The following LAMA1 variants were observed in gnomAD, a reference collection of about 807,000 sequenced individuals.
LAMA1 encodes the protein laminin subunit alpha 1, also known as laminin subunit alpha-1.
In LAMA1, 219 loss-of-function variants were observed where a neutral mutation model predicts 348.7. The ratio of observed to expected loss-of-function variants is 0.63; its 90% CI spans 0.56 to 0.70. The LOEUF is 0.70. Among genes scored for constraint, LAMA1 ranks in the 30% least tolerant of loss-of-function variants. LAMA1 has a pLI of 0.00. For missense variants in LAMA1, 3,744 were observed against 3,888.0 expected (o/e 0.96, Z 0.99); for synonymous variants, 1,487 against 1,491.0 (o/e 1.00, Z 0.06).
At chr18:7,009,688 T>C (rs565732008) in intron 26 of LAMA1, among the ~76,000 whole-genome samples, 5 of 152,128 alleles carry the variant, frequency 3.3e-5, no homozygotes, top group African/African-American at 9.7e-5. Context: ...AGGTTGAAAA[T>C]AGTACGCCAA....
At chr18:6,965,478 G>A in intron 49 of LAMA1, 46 bp from the exon 50 acceptor site, 1 of 1,609,350 alleles carries the variant, frequency 6.2e-7, no homozygotes, top group South Asian at 1.1e-5. Flanking sequence ...CTTTATCCCA[G>A]GTTTCCCTTT....
chr18:7,105,669 C>T (rs996790380), intron 1 of LAMA1, among the ~76,000 whole-genome samples: 5 of 152,016 alleles, frequency 3.3e-5, no homozygotes, highest in Non-Finnish European at 7.4e-5. Context: ...AGAAGGGATG[C>T]GGCACAGAAT....
chr18:7,034,415 G>C (rs2057984896), intron 14 of LAMA1, 64 bp downstream of exon 14: 1 of 1,182,558 alleles, frequency 8.5e-7, no homozygotes, highest in Non-Finnish European at 1.2e-6. Context: ...AAATATATAT[G>C]AATAAACAAA....
intron 62 of LAMA1, among the ~76,000 whole-genome samples, chr18:6,942,822 T>C (rs2057505330): frequency 6.6e-6 from 1 of 152,216 alleles, no homozygotes; most frequent in African/African-American, 2.4e-5. Flanking sequence ...AAATACATAA[T>C]TCTAATCCAA....
At chr18:6,954,161 C>T (rs1198208046) in intron 57 of LAMA1, 1 of 152,208 alleles carries the variant, frequency 6.6e-6, no homozygotes, top group Non-Finnish European at 1.5e-5. Flanking sequence ...CTCCCCATGT[C>T]GTTTGGAGGC....
intron 6 of LAMA1, among the ~76,000 whole-genome samples, chr18:7,045,739 A>G (rs2058039359): frequency 6.6e-6 from 1 of 151,934 alleles, no homozygotes; most frequent in Non-Finnish European, 1.5e-5. Flanking sequence ...TTGTATTTTC[A>G]GCAAAGATGG....
chr18:7,026,697 T>TA (rs397858397), intron 16 of LAMA1, among the ~76,000 whole-genome samples: 2 of 152,018 alleles, frequency 1.3e-5, no homozygotes, highest in Non-Finnish European at 2.9e-5. Context: ...TGTATTTTTT[T>TA]AAAAAAATGA....
Position 7,011,461 on chromosome 18 carries a change from G to T in LAMA1, c.3526C>A (p.Gln1176Lys). The T allele has an allele frequency of 6.2e-7, 1 of 1,606,404 alleles. No homozygotes were observed. The highest frequency in any genetic ancestry group is 8.5e-7 in the Non-Finnish European group (1 of 1,176,732). The change falls in exon 25 of 63, where the codon CAG becomes AAG. Residue 1176 changes from glutamine (Q) to lysine (K), a missense_variant. By Grantham distance (53) the Gln-to-Lys change is moderately conservative (BLOSUM62 1). Coordinates refer to ENST00000389658, the MANE Select transcript of LAMA1 (RefSeq NM_005559.4). ...TGAGAAACCACACGCAGAAGAGGCT[G>T]ATCGGAGCCCAGCGTTACCTAAACC... ...VRTPVTLGSD[Q>K]PLLRVVSQSN...
In LAMA1 at chr18:6,980,384, G is replaced by T. The variant is rs910694070; in HGVS notation, c.6007+137C>A. The T allele has an allele frequency of 9.0e-6, 6 of 665,534 alleles. No individual in the cohort carries two copies. The African/African-American group carries it at 9.0e-5, about 10-fold the overall frequency. The allele number at this position is 665,534 out of a possible 1,614,324, so 41.2% of individuals were successfully genotyped here. ...ATTTCTAAATCATATTCCTTTGCAA[G>T]TAAAAATTTTGCCAATCTTAGTCTC... On this transcript the variant is annotated intron_variant, in intron 42 of 62. Coordinates refer to ENST00000389658, the MANE Select transcript of LAMA1 (RefSeq NM_005559.4).
chr18:7,065,250 A>AAAAAAAAAAC (rs1467543523), intron 3 of LAMA1, among the ~76,000 whole-genome samples: 2 of 149,964 alleles, frequency 1.3e-5, no homozygotes, highest in African/African-American at 5.0e-5. Flanking sequence ...AAAAAAAAAA[A>AAAAAAAAAAC]AAACAACGAC....
At chr18:6,959,277 C>T in intron 54 of LAMA1, 64 bp downstream of exon 54, 2 of 1,610,438 alleles carry the variant, frequency 1.2e-6, no homozygotes, top group Non-Finnish European at 1.7e-6. Context: ...CCGCAAGGTT[C>T]CTCCCACATT....
At chr18:6,975,855 T>G in intron 45 of LAMA1, 82 bp downstream of exon 45, 1 of 1,561,622 alleles carries the variant, frequency 6.4e-7, no homozygotes, top group Non-Finnish European at 8.8e-7. Context: ...CCTATTTTTT[T>G]TTCGTCAAAT....
chr18:7,000,003 G>A lies in LAMA1; in HGVS notation c.4383-6C>T, dbSNP rs1427107587. 11 of 1,606,156 alleles carry A rather than the reference G, an allele frequency of 6.8e-6. No homozygotes were observed. Among genetic ancestry groups the A allele is most frequent in the Non-Finnish European group, 8.5e-6 (10 of 1,173,152 alleles). ...AGACACAAGTGGGACTAAAACTGGA[G>A]GAAAAGAATTTCTTTTTGAATTTTC... On this transcript the variant is annotated splice_polypyrimidine_tract_variant and splice_region_variant and intron_variant, in intron 30 of 62. Transcript: ENST00000389658.
chr18:6,979,698 G>C (rs1272548889), intron 42 of LAMA1, among the ~76,000 whole-genome samples: 2 of 152,104 alleles, frequency 1.3e-5, no homozygotes, highest in African/African-American at 4.8e-5. Context: ...AGGAGATCGA[G>C]ACCATCCTGG....
At chr18:7,107,892 T>C (rs2058319869) in intron 1 of LAMA1, among the ~76,000 whole-genome samples, 1 of 151,886 alleles carries the variant, frequency 6.6e-6, no homozygotes, top group Non-Finnish European at 1.5e-5. Flanking sequence ...CGGGTGCCTG[T>C]AGTCCCAGCT....
At chr18:6,973,541 C>T (rs148973990) in intron 46 of LAMA1, among the ~76,000 whole-genome samples, 68 of 152,234 alleles carry the variant, frequency 4.5e-4, no homozygotes, top group African/African-American at 1.6e-3. Context: ...TGAAAACATA[C>T]ACTTAAAGCT....
chr18:6,957,613 C>A (rs1407884208), intron 55 of LAMA1, among the ~76,000 whole-genome samples: 1 of 152,192 alleles, frequency 6.6e-6, no homozygotes, highest in Non-Finnish European at 1.5e-5. Flanking sequence ...GCCCAGGGCA[C>A]TTCCAGGTGT....
intron 39 of LAMA1, among the ~76,000 whole-genome samples, chr18:6,984,168 T>A (rs185056906): frequency 8.6e-5 from 13 of 152,044 alleles, no homozygotes; most frequent in African/African-American, 3.1e-4. Context: ...TACTGATCCC[T>A]AAGACATATT....
At chr18:7,038,407 C>T (rs80146649) in intron 11 of LAMA1, among the ~76,000 whole-genome samples, 6,743 of 152,270 alleles carry the variant, frequency 0.044, 167 homozygotes, top group South Asian at 0.067. Context: ...TTCCCACCCT[C>T]GCCACTGGAG....
Sources: gnomAD v4.1 joint callset for allele counts (sites outside exome capture counted in the v4.1 genomes callset) on GRCh38, gnomAD v4.1.1 for gene constraint, MANE v1.5 for transcripts, NCBI Gene and HGNC (gene_info 2026-07-23, HGNC 2026-07-21) for gene names.